ESRRG: variants seen among roughly 807,000 people sequenced by gnomAD.
The protein encoded by ESRRG is estrogen related receptor gamma.
ESRRG carries 13 observed loss-of-function variants against 44.0 expected under a neutral mutation model. The observed-to-expected ratio is 0.30, with a 90% confidence interval of 0.19 to 0.47. The LOEUF is 0.47. Among genes scored for constraint, ESRRG ranks in the 20% least tolerant of loss-of-function variants. ESRRG has a pLI of 1.00. For missense variants in ESRRG, 395 were observed against 580.6 expected, an observed-to-expected ratio of 0.68 and a Z score of 3.29; for synonymous variants, 215 against 214.6, an observed-to-expected ratio of 1.00 and a Z score of -0.02.
At chr1:216,852,446 A>G (rs1450282270) in intron 2 of ESRRG, among the ~76,000 whole-genome samples, 1 of 152,192 alleles carries the variant, frequency 6.6e-6, no homozygotes, top group Non-Finnish European at 1.5e-5. Context: ...TAATTGCAAA[A>G]AGTAGCTCAC....
intron 1 of ESRRG, among the ~76,000 whole-genome samples, chr1:216,973,504 C>A (rs984436957): frequency 6.6e-6 from 1 of 152,188 alleles, no homozygotes; most frequent in African/African-American, 2.4e-5. Flanking sequence ...AGAAGCAGTG[C>A]TGGACCCATA....
Position 216,997,583 on chromosome 1 carries a change from A to G in ESRRG, c.-105-57910T>C, listed in dbSNP as rs1420896120. On this transcript the variant is annotated intron_variant, in intron 1 of 7. Transcript: ENST00000359162. ...AGTTGTTACATTATAGATTCTCTGT[A>G]ACAAAGTCTCTTTACTATTTTACAT... 2.6e-5 allele frequency among the ~76,000 whole-genome samples: 4 copies of G among 152,366 alleles called. No homozygotes were observed. The East Asian group carries it at 7.7e-4, about 29-fold the overall frequency.
intron 3 of ESRRG, among the ~76,000 whole-genome samples, chr1:216,572,442 A>G (rs207461119): frequency 1.7e-4 from 26 of 152,294 alleles, no homozygotes; most frequent in Admixed American, 2.0e-4. Context: ...CATGTAAATC[A>G]TAATAATACA....
chr1:216,660,203 T>C (rs2071911441), intron 2 of ESRRG, among the ~76,000 whole-genome samples: 1 of 152,186 alleles, frequency 6.6e-6, no homozygotes, highest in Non-Finnish European at 1.5e-5. Flanking sequence ...GAACCTATGA[T>C]TGCTCCACCC....
chr1:217,096,574 G>A (rs906910900), intron 1 of ESRRG, among the ~76,000 whole-genome samples: 6 of 152,138 alleles, frequency 3.9e-5, no homozygotes, highest in Admixed American at 1.3e-4. Context: ...TTAGAGCACT[G>A]GTGTTTACGA....
At chr1:217,130,838 C>T (rs1413546529) in intron 1 of ESRRG, among the ~76,000 whole-genome samples, 1 of 151,996 alleles carries the variant, frequency 6.6e-6, no homozygotes, top group Non-Finnish European at 1.5e-5. Context: ...ATTCATCAAG[C>T]CTTCCTGAAA....
In ESRRG at chr1:216,976,513, T is replaced by A. The variant is rs980439875; in HGVS notation, c.-105-36840A>T. On this transcript the variant is annotated intron_variant, in intron 1 of 7. Transcript: ENST00000359162. ...AAGTTTACCTTCAGCAGATGTAACC[T>A]TCATAACCCAGTGTCTCCATAGGTC... Among the ~76,000 whole-genome samples the A allele has an allele frequency of 2.0e-5, 3 of 152,202 alleles. No individual in the cohort carries two copies. The East Asian group carries it at 5.8e-4, about 29-fold the overall frequency.
rs1003273285 is a variant in ESRRG, at chr1:216,560,251, A to G, written c.862+3968T>C. Among the ~76,000 whole-genome samples, 12 of 152,274 alleles carry G rather than the reference A, an allele frequency of 7.9e-5. No homozygotes were observed. In the East Asian group the frequency reaches 2.3e-3, roughly 29 times the overall value. ...TCTATTTGATATCATTACAATAGAG[A>G]TCAATTGAAAAATGTAACTGAGGCC... is the stretch of plus-strand genomic sequence containing the variant. On this transcript the variant is annotated intron_variant, in intron 5 of 6. Transcript: ENST00000408911.
chr1:216,735,410 G>A (rs866768084), intron 2 of ESRRG, among the ~76,000 whole-genome samples: 1 of 149,580 alleles, frequency 6.7e-6, no homozygotes, highest in Non-Finnish European at 1.5e-5. Context: ...GTCTTGTTTT[G>A]TTGCCCAGGC....
intron 1 of ESRRG, among the ~76,000 whole-genome samples, chr1:217,032,098 T>C (rs2082161116): frequency 6.6e-6 from 1 of 152,116 alleles, no homozygotes; most frequent in South Asian, 2.1e-4. Flanking sequence ...TCACTTCAAA[T>C]CTGACCAATT....
In ESRRG at chr1:216,835,640, A is replaced by G. The variant is rs1177956463; in HGVS notation, c.-14+103942T>C. Among the ~76,000 whole-genome samples the G allele has an allele frequency of 2.0e-5, 3 of 152,234 alleles. No individual in the cohort carries two copies. The East Asian group carries it at 5.8e-4, about 29-fold the overall frequency. ...TTGGCATCAGTTTTGGAAGGGAGGT[A>G]CATTCCACCAGAGGTGAGAGAGGAG... On this transcript the variant is annotated intron_variant, in intron 2 of 7. Transcript: ENST00000359162.
chr1:217,107,178 A>G (rs2092607260), intron 1 of ESRRG, among the ~76,000 whole-genome samples: 2 of 152,248 alleles, frequency 1.3e-5, no homozygotes, highest in South Asian at 4.1e-4. Flanking sequence ...AAATTTGCCA[A>G]TCTGATATGT....
intron 6 of ESRRG, among the ~76,000 whole-genome samples, chr1:216,512,431 T>C (rs2042985730): frequency 6.6e-6 from 1 of 152,140 alleles, no homozygotes; most frequent in Non-Finnish European, 1.5e-5. Context: ...AGGAGGAACT[T>C]TGGAGTACAG....
intron 1 of ESRRG, among the ~76,000 whole-genome samples, chr1:216,953,743 G>A (rs540585358): frequency 3.0e-4 from 46 of 152,070 alleles, no homozygotes; most frequent in African/African-American, 1.1e-3. Context: ...TACAGGCAAA[G>A]GTTCTACTTG....
At chr1:216,510,777 C>T (rs1571961937) in intron 6 of ESRRG, among the ~76,000 whole-genome samples, 1 of 152,044 alleles carries the variant, frequency 6.6e-6, no homozygotes, top group African/African-American at 2.4e-5. Context: ...CCCAGCTACT[C>T]GGGAGGCTGA....
At chr1:216,759,252 G>C (rs1387156298) in intron 2 of ESRRG, among the ~76,000 whole-genome samples, 1 of 152,110 alleles carries the variant, frequency 6.6e-6, no homozygotes, top group Non-Finnish European at 1.5e-5. Context: ...GCAGAAGCCT[G>C]CCTGTTGCTG....
chr1:216,875,084 G>A (rs551663972), intron 2 of ESRRG, among the ~76,000 whole-genome samples: 1 of 152,162 alleles, frequency 6.6e-6, no homozygotes, highest in Admixed American at 6.5e-5. Flanking sequence ...CCAGTGGTGG[G>A]ACTTCACCTT....
At chr1:216,700,436 G>C (rs2081174359) in intron 1 of ESRRG, among the ~76,000 whole-genome samples, 1 of 152,060 alleles carries the variant, frequency 6.6e-6, no homozygotes, top group Non-Finnish European at 1.5e-5. Context: ...GATTTAACCT[G>C]TCCTTCAAGA....
At chr1:216,915,307 G>T (rs1052048782) in intron 2 of ESRRG, among the ~76,000 whole-genome samples, 1 of 152,176 alleles carries the variant, frequency 6.6e-6, no homozygotes, top group Non-Finnish European at 1.5e-5. Flanking sequence ...GGATGCCCAA[G>T]AGCCAGGTGG....
Sources: gnomAD v4.1 joint callset for allele counts (sites outside exome capture counted in the v4.1 genomes callset) on GRCh38, gnomAD v4.1.1 for gene constraint, MANE v1.5 for transcripts, NCBI Gene and HGNC (gene_info 2026-07-23, HGNC 2026-07-21) for gene names.